The following MSRB1 variants were observed in gnomAD, a reference collection of about 807,000 sequenced individuals.
The protein encoded by MSRB1 is methionine-R-sulfoxide reductase B1.
MSRB1 carries 13 observed loss-of-function variants against 15.2 expected under a neutral mutation model. That is an observed-to-expected ratio of 0.86 (90% CI 0.56 to 1.36). MSRB1 has a LOEUF of 1.36. Among genes scored for constraint, MSRB1 ranks in the 40% most tolerant of loss-of-function variants. The pLI is 0.00. For missense variants in MSRB1, 174 were observed against 155.9 expected, an observed-to-expected ratio of 1.12 and a Z score of -0.62; for synonymous variants, 68 against 64.5, an observed-to-expected ratio of 1.05 and a Z score of -0.26.
At chr16:1,939,909 G>A (rs1244659602) in intron 3 of MSRB1, among the ~76,000 whole-genome samples, 1 of 151,314 alleles carries the variant, frequency 6.6e-6, no homozygotes, top group East Asian at 1.9e-4. Context: ...AGCTGAGATT[G>A]GCCATTGCAC....
chr16:1,941,683 GCAGA>G lies in MSRB1; in HGVS notation c.56-282_56-279del, dbSNP rs903801612. 16 of 500,714 alleles carry G rather than the reference GCAGA, an allele frequency of 3.2e-5. No homozygotes were observed. The Admixed American group carries it at 5.7e-4, about 18-fold the overall frequency. 31.0% of individuals were successfully genotyped at this position (500,714 alleles called of 1,614,324 possible). ...AACATTTCCATCTTTGCTTGGTGAT[GCAGA>G]CACTCAGCTACAAGTGTGTGCAGCG... On this transcript the variant is annotated intron_variant, in intron 1 of 3. Transcript: ENST00000361871.
chr16:1,938,963 T>C lies in MSRB1; in HGVS notation c.*149A>G, dbSNP rs111256472. On this transcript the variant is annotated 3_prime_UTR_variant, in exon 4 of 4. Coordinates refer to ENST00000361871, the MANE Select transcript of MSRB1 (RefSeq NM_016332.4). The stretch of plus-strand genomic sequence containing the variant: ...TTTTCCAAGAAACGAAAAGGTCTTG[T>C]TCAGAGCCGGGGCCTTGGGAGTGTC... The C allele has an allele frequency of 6.9e-4, 719 of 1,035,608 alleles. 7 individuals carry two copies. In the African/African-American group the frequency reaches 0.01, roughly 15 times the overall value. 64.2% of individuals were successfully genotyped at this position (1,035,608 alleles called of 1,614,324 possible). A position where few individuals can be genotyped will look rare whatever the true frequency, so the allele number is the denominator to read the frequency against.
At chr16:1,941,210 CT>C in intron 2 of MSRB1, 46 bp downstream of exon 2, 1 of 1,607,682 alleles carries the variant, frequency 6.2e-7, no homozygotes. Flanking sequence ...TGGCTCTCTG[CT>C]CTCCCTGGCC....
Position 1,941,252 on chromosome 16 carries a change from C to G in MSRB1, c.204+5G>C. 1.2e-6 allele frequency: 2 copies of G among 1,613,746 alleles called. No individual in the cohort carries two copies. Among genetic ancestry groups the G allele is most frequent in the Non-Finnish European group, 1.7e-6 (2 of 1,179,986 alleles). On this transcript the variant is annotated splice_donor_5th_base_variant and intron_variant, in intron 2 of 3. Coordinates refer to ENST00000361871, the MANE Select transcript of MSRB1 (RefSeq NM_016332.4). ...CGTCCCTCCCCCACCCCTGTGGCCT[C>G]TCACCTTCAAGGCTTCAGATCTATT...
chr16:1,943,194 C>G lies in MSRB1; in HGVS notation c.-38G>C. 1 of 1,550,304 alleles carries G rather than the reference C, an allele frequency of 6.5e-7. No homozygotes were observed. The highest frequency in any genetic ancestry group is 8.7e-7 in the Non-Finnish European group (1 of 1,147,174). On this transcript the variant is annotated 5_prime_UTR_variant, in exon 1 of 4. Coordinates refer to ENST00000361871, the MANE Select transcript of MSRB1 (RefSeq NM_016332.4). ...ACCGCAGCGCGCTTGCCGCTGCCAA[C>G]TGACCAAAGGCTGCCGACCCGACGA...
intron 3 of MSRB1, among the ~76,000 whole-genome samples, chr16:1,939,534 T>C (rs956103449): frequency 1.3e-5 from 2 of 152,208 alleles, no homozygotes; most frequent in African/African-American, 2.4e-5. Flanking sequence ...AAGCGTGTGC[T>C]GTTAACAGCC....
intron 1 of MSRB1, among the ~76,000 whole-genome samples, chr16:1,942,592 G>A (rs1454912949): frequency 6.6e-6 from 1 of 152,234 alleles, no homozygotes; most frequent in Non-Finnish European, 1.5e-5. Flanking sequence ...GGATCTGAAG[G>A]GGACATTCTA....
intron 1 of MSRB1, 149 bp downstream of exon 1, chr16:1,942,953 C>A (rs1269522292): frequency 2.7e-6 from 3 of 1,128,750 alleles, no homozygotes; most frequent in African/African-American, 1.6e-5. Context: ...CCTCCGCAGT[C>A]CTTTTGACCC....
At position 1,941,264 on chromosome 16, in the gene MSRB1, G is replaced by A. The variant is rs1158218096; in HGVS notation, c.197C>T (p.Ala66Val). The change falls in exon 2 of 4, where the codon GCC (alanine) becomes GTC (valine). Residue 66 changes from alanine (A) to valine (V), a missense_variant. By Grantham distance (64) the Ala-to-Val change is moderately conservative. Transcript: ENST00000361871. ...ACCCCTGTGGCCTCTCACCTTCAAG[G>A]CTTCAGATCTATTGTGCTCCGGACG... ...AKRPEHNRSE[A>V]LKVSCGKCGN... 4.3e-6 allele frequency: 7 copies of A among 1,613,462 alleles called. No homozygotes were observed. The East Asian group carries it at 6.7e-5, about 15-fold the overall frequency.
In MSRB1 at chr16:1,943,198, C is replaced by A; in HGVS notation, c.-42G>T. On this transcript the variant is annotated 5_prime_UTR_variant, in exon 1 of 4. Coordinates refer to ENST00000361871, the MANE Select transcript of MSRB1 (RefSeq NM_016332.4). ...CAGCGCGCTTGCCGCTGCCAACTGACCAAAGGCTGCCGACCCGACGACCGC... is the reference window on the plus strand; with the variant it reads ...CAGCGCGCTTGCCGCTGCCAACTGAACAAAGGCTGCCGACCCGACGACCGC... The A allele has an allele frequency of 6.5e-6, 10 of 1,548,742 alleles. No homozygotes were observed. The highest frequency in any genetic ancestry group is 8.7e-6 in the Non-Finnish European group (10 of 1,146,506).
At chr16:1,939,605 C>A (rs2083062441) in intron 3 of MSRB1, among the ~76,000 whole-genome samples, 1 of 151,914 alleles carries the variant, frequency 6.6e-6, no homozygotes, top group African/African-American at 2.4e-5. Flanking sequence ...GGCCAAGGCC[C>A]AGAGGAGTTC....
chr16:1,943,151 C>T lies in MSRB1; in HGVS notation c.6G>A (p.Ser2=), dbSNP rs775396062. 2.9e-5 allele frequency: 45 copies of T among 1,560,448 alleles called. No homozygotes were observed. The highest frequency in any genetic ancestry group is 3.6e-5 in the Non-Finnish European group (42 of 1,152,430). The change falls in exon 1 of 4, where the codon TCG becomes TCA. Residue 2 remains serine (S), a synonymous_variant. Coordinates refer to ENST00000361871, the MANE Select transcript of MSRB1 (RefSeq NM_016332.4). M[S]FCSFFGGEVF... is the part of the protein sequence containing the mutation. ...CCTCGCCCCCGAAGAAGCTGCAGAA[C>T]GACATGGCGCCACCGGAACCGCAGC...
In MSRB1 at chr16:1,941,330, G is replaced by A. The variant is rs1180834132; in HGVS notation, c.131C>T (p.Pro44Leu). 11 of 1,613,268 alleles carry A rather than the reference G, an allele frequency of 6.8e-6. No individual in the cohort carries two copies. Among genetic ancestry groups the A allele is most frequent in the African/African-American group, 4.0e-5 (3 of 74,684 alleles). Residue 44 changes from proline to leucine, a missense_variant, in exon 2 of 4, where the codon CCG becomes CTG. Coordinates refer to ENST00000361871, the MANE Select transcript of MSRB1 (RefSeq NM_016332.4). ...RSKYAHSSPW[P>L]AFTETIHADS... is the part of the protein sequence containing the mutation. ...GGCGTGAATGGTCTCGGTGAACGCC[G>A]GCCATGGAGACGAGTGTGCATACTT...
At position 1,938,441 on chromosome 16, in the gene MSRB1, CAACA is replaced by C; in HGVS notation, c.*667_*670del. ...CCCTGTGCTGGTTAGAGTTATGGAGCAACAGCCGCTTTCCTAAGCAGAAGTGAGG... is the reference window on the plus strand; with the variant it reads ...CCCTGTGCTGGTTAGAGTTATGGAGCGCCGCTTTCCTAAGCAGAAGTGAGG... On this transcript the variant is annotated 3_prime_UTR_variant, in exon 4 of 4. Transcript: ENST00000361871. 6.5e-6 allele frequency: 1 copy of C among 154,274 alleles called. No individual in the cohort carries two copies. Among genetic ancestry groups the C allele is most frequent in the South Asian group, 1.9e-4 (1 of 5,220 alleles). The allele number at this position is 154,274 out of a possible 1,614,324, so 9.6% of individuals were successfully genotyped here.
At chr16:1,942,645 G>A (rs1388687429) in intron 1 of MSRB1, among the ~76,000 whole-genome samples, 2 of 152,262 alleles carry the variant, frequency 1.3e-5, no homozygotes, top group South Asian at 2.1e-4. Flanking sequence ...TCGGGGGAAT[G>A]GGAAGGGCCA....
rs534536139 is a variant in MSRB1 at position 1,940,844 on chromosome 16, C to T, written c.253G>A (p.Asp85Asn). The T allele has an allele frequency of 3.1e-5, 50 of 1,614,128 alleles. No homozygotes were observed. The highest frequency in any genetic ancestry group is 4.0e-5 in the Non-Finnish European group (47 of 1,180,030). Residue 85 changes from aspartate to asparagine, a missense_variant, in exon 3 of 4, where the codon GAC becomes AAC. Asp to Asn is a conservative substitution (Grantham distance 23). Transcript: ENST00000361871. ...GNGLGHEFLNDGPKPGQSRFU... is the reference protein window; with the variant it reads ...GNGLGHEFLNNGPKPGQSRFU... ...CGGGACTGCCCCGGCTTGGGGCCGT[C>T]GTTCAGGAACTCGTGGCCCAACCCA...
At position 1,939,053 on chromosome 16, in the gene MSRB1, G is replaced by T; in HGVS notation, c.*59C>A. On this transcript the variant is annotated 3_prime_UTR_variant, in exon 4 of 4. Coordinates refer to ENST00000361871, the MANE Select transcript of MSRB1 (RefSeq NM_016332.4). ...CGCCCAGGGTTCCAACTCCAAGGTG[G>T]AATGGCCAACGTGTGGCCTCAGTGT... is the stretch of plus-strand genomic sequence containing the variant. The T allele has an allele frequency of 6.2e-7, 1 of 1,602,276 alleles. No homozygotes were observed. Among genetic ancestry groups the T allele is most frequent in the Non-Finnish European group, 8.5e-7 (1 of 1,171,248 alleles).
chr16:1,938,452 T>A lies in MSRB1; in HGVS notation c.*660A>T. 6.5e-6 allele frequency: 1 copy of A among 154,500 alleles called. No homozygotes were observed. Among genetic ancestry groups the A allele is most frequent in the South Asian group, 1.9e-4 (1 of 5,262 alleles). The allele number at this position is 154,500 out of a possible 1,614,324, so 9.6% of individuals were successfully genotyped here. A position where few individuals can be genotyped will look rare whatever the true frequency, so the allele number is the denominator to read the frequency against. ...TTAGAGTTATGGAGCAACAGCCGCT[T>A]TCCTAAGCAGAAGTGAGGCAAGCTA... On this transcript the variant is annotated 3_prime_UTR_variant, in exon 4 of 4. Coordinates refer to ENST00000361871, the MANE Select transcript of MSRB1 (RefSeq NM_016332.4).
chr16:1,938,612 A>G lies in MSRB1; in HGVS notation c.*500T>C, dbSNP rs186982848. On this transcript the variant is annotated 3_prime_UTR_variant, in exon 4 of 4. Transcript: ENST00000361871. ...CTGGCTGGCCTGGAAGGGTTTGACC[A>G]GAGCGGATCATGCAGTGACCAGGGC... is the stretch of plus-strand genomic sequence containing the variant. The G allele has an allele frequency of 1.3e-4, 23 of 181,352 alleles. No individual in the cohort carries two copies. Among genetic ancestry groups the G allele is most frequent in the African/African-American group, 4.6e-4 (19 of 41,758 alleles). 11.2% of individuals were successfully genotyped at this position (181,352 alleles called of 1,614,324 possible). A position where few individuals can be genotyped will look rare whatever the true frequency, so the allele number is the denominator to read the frequency against.
Sources: allele counts gnomAD v4.1 joint callset (sites outside exome capture counted in the v4.1 genomes callset), GRCh38; gene constraint gnomAD v4.1.1; transcripts MANE v1.5; gene names NCBI Gene and HGNC (gene_info 2026-07-23, HGNC 2026-07-21).